The following FUT9 variants were observed in gnomAD, a reference collection of about 807,000 sequenced individuals.
FUT9 encodes the protein 4-galactosyl-N-acetylglucosaminide 3-alpha-L-fucosyltransferase 9.
In FUT9, 15 loss-of-function variants were observed where a neutral mutation model predicts 29.7. The observed-to-expected ratio is 0.51, with a 90% confidence interval of 0.34 to 0.78. The LOEUF (loss-of-function observed/expected upper bound fraction) is 0.78, where lower values mean the gene tolerates loss of function less well. Ranked by LOEUF, FUT9 falls within the 30% of genes least tolerant of loss-of-function variation. FUT9 has a pLI of 0.01. For synonymous variants in FUT9, 169 were observed against 153.7 expected, an observed-to-expected ratio of 1.10 and a Z score of -0.74; for missense variants, 319 against 425.4, an observed-to-expected ratio of 0.75 and a Z score of 2.20.
At chr6:96,150,174 A>G (rs1772649316) in intron 2 of FUT9, among the ~76,000 whole-genome samples, 2 of 152,210 alleles carry the variant, frequency 1.3e-5, no homozygotes, top group South Asian at 2.1e-4. Flanking sequence ...GTATGGTGTT[A>G]TACTGGTGTG....
chr6:96,066,049 C>T (rs1215494435), intron 1 of FUT9, among the ~76,000 whole-genome samples: 3 of 152,068 alleles, frequency 2.0e-5, no homozygotes, highest in African/African-American at 7.2e-5. Flanking sequence ...TGTCATTTCA[C>T]TTGCCAGGTA....
At chr6:96,131,471 C>G (rs554762855) in intron 2 of FUT9, among the ~76,000 whole-genome samples, 83 of 152,228 alleles carry the variant, frequency 5.5e-4, no homozygotes, top group African/African-American at 1.9e-3. Flanking sequence ...AACACACACA[C>G]CTTTGTTTCA....
In FUT9 at chr6:96,204,256, CTT is replaced by C; in HGVS notation, c.*22_*23del. On this transcript the variant is annotated 3_prime_UTR_variant, in exon 3 of 3. Transcript: ENST00000302103. ...ATTAAAATTTTTCATCACTTGCACACTTGATAAATATTTTGATGAGATATCAT... is the reference window on the plus strand; with the variant it reads ...ATTAAAATTTTTCATCACTTGCACACGATAAATATTTTGATGAGATATCAT... 1.4e-6 allele frequency: 2 copies of C among 1,399,800 alleles called. No homozygotes were observed. The highest frequency in any genetic ancestry group is 1.9e-6 in the Non-Finnish European group (2 of 1,062,036). The allele number at this position is 1,399,800 out of a possible 1,614,324, so 86.7% of individuals were successfully genotyped here.
chr6:96,047,226 T>G (rs1334487514), intron 1 of FUT9, among the ~76,000 whole-genome samples: 1 of 152,178 alleles, frequency 6.6e-6, no homozygotes, highest in Non-Finnish European at 1.5e-5. Flanking sequence ...TGTTATCCAA[T>G]TATAGTAGAA....
At position 96,080,224 on chromosome 6, in the gene FUT9, A is replaced by G. The variant is rs372662744; in HGVS notation, c.-97-33815A>G. On this transcript the variant is annotated intron_variant, in intron 1 of 2. Coordinates refer to ENST00000302103, the MANE Select transcript of FUT9 (RefSeq NM_006581.4). ...AAATAAAGCTTAATTGTGTTTCTAAAAAAAAAGCCAGAAAGAATGACATAA... is the reference window on the plus strand; with the variant it reads ...AAATAAAGCTTAATTGTGTTTCTAAGAAAAAAGCCAGAAAGAATGACATAA... Among the ~76,000 whole-genome samples the G allele has an allele frequency of 7.1e-3, 1,073 of 152,006 alleles. 13 individuals are homozygous for G. The highest frequency in any genetic ancestry group is 0.025 in the African/African-American group (1,023 of 41,560).
At chr6:96,059,141 A>T (rs927233175) in intron 1 of FUT9, among the ~76,000 whole-genome samples, 2 of 152,198 alleles carry the variant, frequency 1.3e-5, no homozygotes, top group South Asian at 4.1e-4. Flanking sequence ...TGTGTGGAGG[A>T]TAATGTAGGT....
chr6:96,115,009 T>C (rs1382138837), intron 2 of FUT9, among the ~76,000 whole-genome samples: 1 of 152,182 alleles, frequency 6.6e-6, no homozygotes, highest in African/African-American at 2.4e-5. Context: ...CTCCAGCACT[T>C]GTTTTGCTGA....
At chr6:96,187,504 A>T (rs927980127) in intron 2 of FUT9, among the ~76,000 whole-genome samples, 17 of 152,134 alleles carry the variant, frequency 1.1e-4, no homozygotes, top group Non-Finnish European at 1.5e-5. Context: ...TGTAATTCCT[A>T]GAAAAGTTTG....
At chr6:96,159,808 T>C (rs1209447023) in intron 2 of FUT9, among the ~76,000 whole-genome samples, 1 of 152,192 alleles carries the variant, frequency 6.6e-6, no homozygotes, top group Non-Finnish European at 1.5e-5. Context: ...AACACGTTGA[T>C]TATTTTAGCA....
intron 1 of FUT9, among the ~76,000 whole-genome samples, chr6:96,074,460 T>C (rs1771111736): frequency 6.6e-6 from 1 of 152,136 alleles, no homozygotes; most frequent in African/African-American, 2.4e-5. Flanking sequence ...AGATTTTTGT[T>C]TAATAATAAG....
At chr6:96,176,844 T>C (rs747489948) in intron 2 of FUT9, among the ~76,000 whole-genome samples, 1 of 152,168 alleles carries the variant, frequency 6.6e-6, no homozygotes, top group Non-Finnish European at 1.5e-5. Context: ...TCAGCTCCTT[T>C]GGCGCTATGA....
intron 1 of FUT9, among the ~76,000 whole-genome samples, chr6:96,026,819 T>C (rs1770177386): frequency 6.6e-6 from 1 of 151,646 alleles, no homozygotes; most frequent in African/African-American, 2.4e-5. Context: ...CAACATCATA[T>C]TGGCCTTATA....
At position 96,212,114 on chromosome 6, in the gene FUT9, G is replaced by A. The variant is rs915932786; in HGVS notation, c.*7879G>A. The stretch of plus-strand genomic sequence containing the variant: ...TAGAAAGGCAGTCTCTGCAGAAGCA[G>A]TATCCAAAGGCTAAATTAACAACCC... On this transcript the variant is annotated 3_prime_UTR_variant, in exon 3 of 3. Coordinates refer to ENST00000302103, the MANE Select transcript of FUT9 (RefSeq NM_006581.4). The A allele has an allele frequency of 2.9e-5, 12 of 412,458 alleles. No individual in the cohort carries two copies. The highest frequency in any genetic ancestry group is 2.5e-4 in the African/African-American group (12 of 48,592). 25.5% of individuals were successfully genotyped at this position (412,458 alleles called of 1,614,324 possible). A position where few individuals can be genotyped will look rare whatever the true frequency, so the allele number is the denominator to read the frequency against.
chr6:96,089,060 C>T (rs1222895191), intron 1 of FUT9, among the ~76,000 whole-genome samples: 1 of 152,238 alleles, frequency 6.6e-6, no homozygotes, highest in Admixed American at 6.5e-5. Context: ...TCTTGATGTT[C>T]CATGAATTAT....
intron 1 of FUT9, among the ~76,000 whole-genome samples, chr6:96,020,055 G>A (rs1437978181): frequency 6.6e-6 from 1 of 152,070 alleles, no homozygotes; most frequent in East Asian, 1.9e-4. Flanking sequence ...TCAATGCCTA[G>A]ACTTCTAACA....
chr6:96,018,714 A>T (rs948288650), intron 1 of FUT9, among the ~76,000 whole-genome samples: 2 of 152,134 alleles, frequency 1.3e-5, no homozygotes, highest in Non-Finnish European at 2.9e-5. Flanking sequence ...TATATAGATT[A>T]TTCCATCAAC....
chr6:96,129,666 A>C (rs1279485436), intron 2 of FUT9, among the ~76,000 whole-genome samples: 1 of 152,092 alleles, frequency 6.6e-6, no homozygotes, highest in Non-Finnish European at 1.5e-5. Flanking sequence ...CTCTTGGGGA[A>C]GAGAATGGGT....
intron 2 of FUT9, among the ~76,000 whole-genome samples, chr6:96,180,350 A>C (rs1394773666): frequency 6.6e-6 from 1 of 152,080 alleles, no homozygotes; most frequent in Non-Finnish European, 1.5e-5. Context: ...AGTTTCACAG[A>C]GAGCCAGATG....
In FUT9 at chr6:96,156,927, G is replaced by A. The variant is rs192197576; in HGVS notation, c.-9+42800G>A. Among the ~76,000 whole-genome samples the A allele has an allele frequency of 4.2e-3, 644 of 152,272 alleles. 1 individual carries two copies. Among genetic ancestry groups the A allele is most frequent in the Non-Finnish European group, 7.6e-3 (515 of 68,008 alleles). Reference sequence around the variant, plus strand: ...GCCTATACATAAAAAACAGAAGCATGTTACCATGAAATGAAATAATGGGCA... The same window carrying A: ...GCCTATACATAAAAAACAGAAGCATATTACCATGAAATGAAATAATGGGCA... On this transcript the variant is annotated intron_variant, in intron 2 of 2. Coordinates refer to ENST00000302103, the MANE Select transcript of FUT9 (RefSeq NM_006581.4).
Sources: allele counts gnomAD v4.1 joint callset (sites outside exome capture counted in the v4.1 genomes callset), GRCh38; gene constraint gnomAD v4.1.1; transcripts MANE v1.5; gene names NCBI Gene and HGNC (gene_info 2026-07-23, HGNC 2026-07-21).